Variants in ATP1A3 observed in about 807,000 individuals in gnomAD.
ATP1A3 encodes the protein sodium/potassium-transporting ATPase subunit alpha-3.
ATP1A3 carries 12 observed loss-of-function variants against 108.8 expected under a neutral mutation model. The ratio of observed to expected loss-of-function variants is 0.11; its 90% CI spans 0.07 to 0.18. ATP1A3 has a LOEUF of 0.18. Among genes scored for constraint, ATP1A3 ranks in the 10% least tolerant of loss-of-function variants. The probability of loss-of-function intolerance (pLI) is 1.00; values close to 1 mark genes in which losing one functional copy is unlikely to be tolerated. For synonymous variants in ATP1A3, 539 were observed against 564.5 expected (o/e 0.95, Z 0.64); for missense variants, 498 against 1,387.7 (o/e 0.36, Z 10.19).
chr19:41,993,925 G>T (rs1167205289), intron 1 of ATP1A3, 146 bp downstream of exon 1: 15 of 1,461,340 alleles, frequency 1.0e-5, no homozygotes, highest in Non-Finnish European at 1.4e-5. Context: ...CGACCACATG[G>T]ATTGGCTGGG....
Position 41,978,498 on chromosome 19 carries a change from T to C in ATP1A3, c.1630+108A>G. 3.3e-6 allele frequency: 5 copies of C among 1,520,590 alleles called. No individual in the cohort carries two copies. The highest frequency in any genetic ancestry group is 3.6e-6 in the Non-Finnish European group (4 of 1,109,640). The allele number at this position is 1,520,590 out of a possible 1,614,324, so 94.2% of individuals were successfully genotyped here. A position where few individuals can be genotyped will look rare whatever the true frequency, so the allele number is the denominator to read the frequency against. On this transcript the variant is annotated intron_variant, in intron 12 of 22. Coordinates refer to ENST00000648268, the MANE Select transcript of ATP1A3 (RefSeq NM_152296.5). This position sits in a 1 kb window ranked among gnomAD's most constrained non-coding sequence, Gnocchi z 8.3. ...ATCCATCCATTCATTCATTCATTCA[T>C]TCATTTACAGTATATTCTGGGAGGC...
rs1188320428 is a variant in ATP1A3, at chr19:41,981,390, G to A, written c.1437+112C>T. On this transcript the variant is annotated intron_variant, in intron 11 of 22. Transcript: ENST00000648268. This position sits in a 1 kb window ranked among gnomAD's most constrained non-coding sequence, Gnocchi z 5.0. ...CCCTGTTCCTCTCCCCACCAGGCGG[G>A]TATTATCATTCCCATTTTACAGACG... The A allele has an allele frequency of 2.6e-6, 4 of 1,530,116 alleles. No homozygotes were observed. The highest frequency in any genetic ancestry group is 3.6e-6 in the Non-Finnish European group (4 of 1,108,902). The allele number at this position is 1,530,116 out of a possible 1,614,324, so 94.8% of individuals were successfully genotyped here.
chr19:41,969,413 C>A lies in ATP1A3; in HGVS notation c.2688+22G>T, dbSNP rs782735205. On this transcript the variant is annotated intron_variant, in intron 19 of 22. Coordinates refer to ENST00000648268, the MANE Select transcript of ATP1A3 (RefSeq NM_152296.5). ...CCGGGGATCTTACGGTGGGCAGAGACACAGCACCCTGCCCTACTCACCCAC... is the reference window on the plus strand; with the variant it reads ...CCGGGGATCTTACGGTGGGCAGAGAAACAGCACCCTGCCCTACTCACCCAC... The A allele has an allele frequency of 1.2e-5, 20 of 1,614,088 alleles. No homozygotes were observed. In the South Asian group the frequency reaches 2.1e-4, roughly 17 times the overall value.
At position 41,967,798 on chromosome 19, in the gene ATP1A3, A is replaced by T; in HGVS notation, c.2820-35T>A. On this transcript the variant is annotated intron_variant, in intron 20 of 22. Transcript: ENST00000648268. The surrounding 1 kb of genome is among the most constrained non-coding windows in gnomAD (Gnocchi z 4.2). ...CAGAAGGGCAGGGCTGGGCCCAGAG[A>T]GCACCCACCCTGCACCTGCCACCCC... The T allele has an allele frequency of 6.2e-7, 1 of 1,600,798 alleles. No homozygotes were observed. Among genetic ancestry groups the T allele is most frequent in the South Asian group, 1.1e-5 (1 of 90,224 alleles).
intron 16 of ATP1A3, among the ~76,000 whole-genome samples, chr19:41,973,597 C>G (rs1392511417): frequency 6.6e-6 from 1 of 152,192 alleles, no homozygotes; most frequent in African/African-American, 2.4e-5. Flanking sequence ...TTCAGAGAGG[C>G]CTTCCCTGTC....
At chr19:41,991,174 C>G (rs977921850) in intron 1 of ATP1A3, among the ~76,000 whole-genome samples, 1 of 152,164 alleles carries the variant, frequency 6.6e-6, no homozygotes, top group Non-Finnish European at 1.5e-5. Flanking sequence ...TGACAGGTCC[C>G]GCAGGCCCAG....
chr19:41,976,806 T>A (rs1417704950), intron 14 of ATP1A3, among the ~76,000 whole-genome samples: 39 of 151,798 alleles, frequency 2.6e-4, no homozygotes, highest in East Asian at 1.2e-3. Flanking sequence ...TTATTTATTA[T>A]TTATTTATTT....
Position 41,967,543 on chromosome 19 carries a change from G to T in ATP1A3, c.2921+119C>A. 8.1e-7 allele frequency: 1 copy of T among 1,233,864 alleles called. No individual in the cohort carries two copies. Among genetic ancestry groups the T allele is most frequent in the Non-Finnish European group, 1.2e-6 (1 of 869,494 alleles). The allele number at this position is 1,233,864 out of a possible 1,614,324, so 76.4% of individuals were successfully genotyped here. ...CTATGGGGGAGGCTCGGGGGCATCAGAATGGGGACTGCAGTGGGGACACCA... is the reference window on the plus strand; with the variant it reads ...CTATGGGGGAGGCTCGGGGGCATCATAATGGGGACTGCAGTGGGGACACCA... On this transcript the variant is annotated intron_variant, in intron 21 of 22. Coordinates refer to ENST00000648268, the MANE Select transcript of ATP1A3 (RefSeq NM_152296.5). The surrounding 1 kb of genome is among the most constrained non-coding windows in gnomAD (Gnocchi z 4.2).
In ATP1A3 at chr19:41,967,191, G is replaced by A. The variant is rs2075051861; in HGVS notation, c.3013+58C>T. ...GCAGGGCGAGGGGAGCCTGGGACCA[G>A]CTGCCTGAGACCCTGCTGCCCCCCG... On this transcript the variant is annotated intron_variant, in intron 22 of 22. Transcript: ENST00000648268. The surrounding 1 kb of genome is among the most constrained non-coding windows in gnomAD (Gnocchi z 4.2). The A allele has an allele frequency of 6.2e-7, 1 of 1,611,726 alleles. No individual in the cohort carries two copies. Among genetic ancestry groups the A allele is most frequent in the African/African-American group, 1.3e-5 (1 of 74,870 alleles).
At chr19:41,971,619 G>A (rs782816161) in intron 16 of ATP1A3, among the ~76,000 whole-genome samples, 1 of 152,160 alleles carries the variant, frequency 6.6e-6, no homozygotes, top group Non-Finnish European at 1.5e-5. Flanking sequence ...TGGATCCCGT[G>A]CTGAGTGACA....
intron 14 of ATP1A3, among the ~76,000 whole-genome samples, chr19:41,977,632 G>A (rs1440792937): frequency 6.6e-6 from 1 of 152,202 alleles, no homozygotes; most frequent in African/African-American, 2.4e-5. Flanking sequence ...CCGGGAGGCG[G>A]AGGCTGCAGT....
At position 41,976,402 on chromosome 19, in the gene ATP1A3, G is replaced by A. The variant is rs189022271; in HGVS notation, c.2094+14C>T. 6.2e-7 allele frequency: 1 copy of A among 1,614,106 alleles called. No homozygotes were observed. The highest frequency in any genetic ancestry group is 2.2e-5 in the East Asian group (1 of 44,878). ...TCAAGGCCCCGTCCCCTCCTCTGCG[G>A]GAGCGCAGCCCACCTGTCTCTGACA... is the stretch of plus-strand genomic sequence containing the variant. On this transcript the variant is annotated intron_variant, in intron 15 of 22. Transcript: ENST00000648268.
In ATP1A3 at chr19:41,977,059, C is replaced by T. The variant is rs1409081085; in HGVS notation, c.1944-493G>A. The stretch of plus-strand genomic sequence containing the variant: ...CTGACCTCAAGTGATCCACCCACCT[C>T]GGCCTCCCAAAATGCTGGGATTACA... On this transcript the variant is annotated intron_variant, in intron 14 of 22. Coordinates refer to ENST00000648268, the MANE Select transcript of ATP1A3 (RefSeq NM_152296.5). Among the ~76,000 whole-genome samples, 9 of 151,712 alleles carry T rather than the reference C, an allele frequency of 5.9e-5. No homozygotes were observed. In the East Asian group the frequency reaches 1.4e-3, roughly 24 times the overall value.
chr19:41,970,168 A>C lies in ATP1A3; in HGVS notation c.2542+17T>G. Reference sequence around the variant, plus strand: ...CCGGCACTGGGTGGTAAGGAGATGGAGTCCCCGGTGCCTCACCAATCTGCC... The same window carrying C: ...CCGGCACTGGGTGGTAAGGAGATGGCGTCCCCGGTGCCTCACCAATCTGCC... On this transcript the variant is annotated intron_variant, in intron 18 of 22. Transcript: ENST00000648268. The C allele has an allele frequency of 6.2e-7, 1 of 1,614,194 alleles. No homozygotes were observed. Among genetic ancestry groups the C allele is most frequent in the Non-Finnish European group, 8.5e-7 (1 of 1,180,026 alleles).
intron 16 of ATP1A3, among the ~76,000 whole-genome samples, chr19:41,973,847 T>C (rs2075138502): frequency 6.6e-6 from 1 of 152,116 alleles, no homozygotes; most frequent in Admixed American, 6.5e-5. Flanking sequence ...TGTGTATGCA[T>C]AGATGTCTTG....
In ATP1A3 at chr19:41,978,937, C is replaced by T; in HGVS notation, c.1438-139G>A. ...CTCCCCCACACTCTCTCACAGAGAC[C>T]TCTGCTCATTCCTGTCCGCTCTGTC... is the stretch of plus-strand genomic sequence containing the variant. On this transcript the variant is annotated intron_variant, in intron 11 of 22. Coordinates refer to ENST00000648268, the MANE Select transcript of ATP1A3 (RefSeq NM_152296.5). The surrounding 1 kb of genome is among the most constrained non-coding windows in gnomAD (Gnocchi z 8.3). The T allele has an allele frequency of 1.4e-6, 1 of 706,310 alleles. No homozygotes were observed. The highest frequency in any genetic ancestry group is 2.4e-6 in the Non-Finnish European group (1 of 414,064). 43.8% of individuals were successfully genotyped at this position (706,310 alleles called of 1,614,324 possible).
Position 41,988,701 on chromosome 19 carries a change from G to C in ATP1A3, c.7-139C>G. ...ATCTCTGGGTGGGGGGTCTCTGTCT[G>C]CCTCTCGGGGTCTCCCTGTGTCTCC... On this transcript the variant is annotated intron_variant, in intron 1 of 22. Coordinates refer to ENST00000648268, the MANE Select transcript of ATP1A3 (RefSeq NM_152296.5). The surrounding 1 kb of genome is among the most constrained non-coding windows in gnomAD (Gnocchi z 5.3). 1 of 1,534,440 alleles carries C rather than the reference G, an allele frequency of 6.5e-7. No homozygotes were observed. The highest frequency in any genetic ancestry group is 8.8e-7 in the Non-Finnish European group (1 of 1,142,812).
chr19:41,978,619 G>T lies in ATP1A3; in HGVS notation c.1617C>A (p.Gly539=). The T allele has an allele frequency of 6.2e-7, 1 of 1,613,578 alleles. No individual in the cohort carries two copies. The highest frequency in any genetic ancestry group is 8.5e-7 in the Non-Finnish European group (1 of 1,179,958). The change falls in exon 12 of 23, where the codon GGC becomes GGA. Residue 539 remains glycine, a synonymous_variant. Coordinates refer to ENST00000648268, the MANE Select transcript of ATP1A3 (RefSeq NM_152296.5). The surrounding 1 kb of genome is among the most constrained non-coding windows in gnomAD (Gnocchi z 8.3). ...QNAYLELGGL[G]ERVLGFCHYY... ...GCAGCCTCGCACCAAGCACGCGCTC[G>T]CCCAGGCCACCGAGCTCAAGGTAGG...
intron 16 of ATP1A3, among the ~76,000 whole-genome samples, chr19:41,975,054 A>ATTT (rs879966768): frequency 6.9e-6 from 1 of 145,014 alleles, no homozygotes; most frequent in Admixed American, 6.9e-5. Context: ...GGGCTTGAGA[A>ATTT]TTTTTTTTTT....
Sources: allele counts gnomAD v4.1 joint callset (sites outside exome capture counted in the v4.1 genomes callset), GRCh38; gene constraint gnomAD v4.1.1; non-coding constraint Gnocchi (gnomAD v3.1); transcripts MANE v1.5; gene names NCBI Gene and HGNC (gene_info 2026-07-23, HGNC 2026-07-21).